The following ADGRV1 variants were observed in gnomAD, a reference collection of about 807,000 sequenced individuals.
ADGRV1 encodes the protein adhesion G protein-coupled receptor V1.
ADGRV1 carries 359 observed loss-of-function variants against 596.2 expected under a neutral mutation model. The observed-to-expected ratio is 0.60, with a 90% CI of 0.55 to 0.66. The LOEUF is 0.66. Ranked by LOEUF, ADGRV1 falls within the 30% of genes least tolerant of loss-of-function variation. ADGRV1 has a pLI of 0.00. For missense variants in ADGRV1, 7,274 were observed against 7,575.6 expected, an observed-to-expected ratio of 0.96 and a Z score of 1.48; for synonymous variants, 2,681 against 2,679.2, an observed-to-expected ratio of 1.00 and a Z score of -0.02.
At position 91,039,537 on chromosome 5, in the gene ADGRV1, C is replaced by G. The variant is rs560185415; in HGVS notation, c.18153-32910C>G. On this transcript the variant is annotated intron_variant, in intron 85 of 89. Coordinates refer to ENST00000405460, the MANE Select transcript of ADGRV1 (RefSeq NM_032119.4). Reference sequence around the variant, plus strand: ...AGGCTAACTGGAATCATATTTGGTTCTGGTTCTAATCTGTTCTCCACAAGA... The same window carrying G: ...AGGCTAACTGGAATCATATTTGGTTGTGGTTCTAATCTGTTCTCCACAAGA... 5.3e-5 allele frequency among the ~76,000 whole-genome samples: 8 copies of G among 152,294 alleles called. No individual in the cohort carries two copies. The South Asian group carries it at 1.7e-3, about 32-fold the overall frequency.
chr5:91,162,253 CAG>C (rs1344091748), intron 89 of ADGRV1, among the ~76,000 whole-genome samples: 2 of 152,026 alleles, frequency 1.3e-5, no homozygotes, highest in Admixed American at 1.3e-4. Flanking sequence ...AGCTAGGAGA[CAG>C]AAAGATAGGA....
chr5:90,751,865 A>G (rs1755295170), intron 53 of ADGRV1, among the ~76,000 whole-genome samples: 1 of 152,238 alleles, frequency 6.6e-6, no homozygotes, highest in Admixed American at 6.5e-5. Flanking sequence ...GTAAGCTACC[A>G]GAACTGTAAG....
intron 87 of ADGRV1, among the ~76,000 whole-genome samples, chr5:91,126,999 G>A (rs1275467598): frequency 6.6e-6 from 1 of 152,164 alleles, no homozygotes; most frequent in Non-Finnish European, 1.5e-5. Flanking sequence ...ACAGTTCCTT[G>A]TTTCCAGAAT....
rs780988995 is a variant in ADGRV1, at chr5:90,642,975, A to G, written c.2487A>G (p.Leu829=). ...AATTCTATGGAAACACGGGAGTACT[A>G]GAATTTAAACCTGGAGAAAGGGAGA... ...SNEFYGNTGV[L]EFKPGEREIV... Residue 829 remains leucine (L), a synonymous_variant, in exon 13 of 90, where the codon CTA becomes CTG. Transcript: ENST00000405460. 1 of 1,613,590 alleles carries G rather than the reference A, an allele frequency of 6.2e-7. No individual in the cohort carries two copies. Among genetic ancestry groups the G allele is most frequent in the African/African-American group, 1.3e-5 (1 of 74,934 alleles).
At chr5:90,834,513 G>A (rs1764793439) in intron 77 of ADGRV1, among the ~76,000 whole-genome samples, 1 of 152,022 alleles carries the variant, frequency 6.6e-6, no homozygotes, top group Admixed American at 6.5e-5. Context: ...CAGATGTATG[G>A]GAGCTCCACT....
In ADGRV1 at chr5:90,694,220, G is replaced by C. The variant is rs766683035; in HGVS notation, c.7464G>C (p.Arg2488Ser). 6.2e-7 allele frequency: 1 copy of C among 1,613,878 alleles called. No homozygotes were observed. Among genetic ancestry groups the C allele is most frequent in the East Asian group, 2.2e-5 (1 of 44,888 alleles). ...DFWTYRKNMT[R>S]VASLFSGQAV... ...GGACCTACAGGAAAAACATGACCAG[G>C]GTAGCATCTCTTTTTAGTGGTCAGG... is the stretch of plus-strand genomic sequence containing the variant. The change falls in exon 33 of 90, where the codon AGG becomes AGC. Residue 2488 changes from arginine (R) to serine (S), a missense_variant. Physicochemically the swap from Arg to Ser is moderately radical, Grantham distance 110. This residue lies in a region of ADGRV1 where 3,643 missense variants were observed against 3,809.2 expected (regional missense o/e 0.96). Transcript: ENST00000405460.
intron 54 of ADGRV1, 123 bp downstream of exon 54, chr5:90,753,952 C>G: frequency 2.2e-6 from 2 of 927,302 alleles, no homozygotes; most frequent in Non-Finnish European, 3.1e-6. Context: ...GCAGGTCATA[C>G]TCAATCCTTT....
chr5:90,760,350 G>A (rs992463952), intron 58 of ADGRV1, among the ~76,000 whole-genome samples: 3 of 151,936 alleles, frequency 2.0e-5, no homozygotes, highest in Admixed American at 6.6e-5. Context: ...GATCTTTTGA[G>A]TGGTCTATTG....
At chr5:91,020,389 A>G (rs577798676) in intron 85 of ADGRV1, among the ~76,000 whole-genome samples, 199 of 152,168 alleles carry the variant, frequency 1.3e-3, no homozygotes, top group Non-Finnish European at 2.5e-3. Flanking sequence ...CTTCCATTAC[A>G]TATGACTTTT....
chr5:90,720,907 C>T lies in ADGRV1; in HGVS notation c.9624-28C>T. 3.2e-6 allele frequency: 5 copies of T among 1,577,524 alleles called. No homozygotes were observed. The South Asian group carries it at 5.9e-5, about 19-fold the overall frequency. ...ATATGTAGAATGTATACTTTTTCTGCTTCCCTCAATCCATGTATTTCTTTC... is the reference window on the plus strand; with the variant it reads ...ATATGTAGAATGTATACTTTTTCTGTTTCCCTCAATCCATGTATTTCTTTC... On this transcript the variant is annotated intron_variant, in intron 44 of 89. Coordinates refer to ENST00000405460, the MANE Select transcript of ADGRV1 (RefSeq NM_032119.4).
In ADGRV1 at chr5:91,054,033, C is replaced by T. The variant is rs917417736; in HGVS notation, c.18153-18414C>T. On this transcript the variant is annotated intron_variant, in intron 85 of 89. Coordinates refer to ENST00000405460, the MANE Select transcript of ADGRV1 (RefSeq NM_032119.4). ...GCACAATAGCCCTGCTGCTTTCATA[C>T]TGAAAGTTGTGCTTCATTTCAACTA... Among the ~76,000 whole-genome samples the T allele has an allele frequency of 7.3e-5, 11 of 151,008 alleles. 1 individual carries two copies. The highest frequency in any genetic ancestry group is 1.3e-4 in the Non-Finnish European group (9 of 67,890).
intron 83 of ADGRV1, among the ~76,000 whole-genome samples, chr5:90,892,768 C>T (rs988249544): frequency 3.1e-4 from 47 of 151,916 alleles, no homozygotes; most frequent in African/African-American, 2.7e-4. Flanking sequence ...TTCATTATAC[C>T]GCAAAAGAGA....
intron 85 of ADGRV1, among the ~76,000 whole-genome samples, chr5:90,991,693 C>A (rs1780979720): frequency 6.6e-6 from 1 of 152,070 alleles, no homozygotes; most frequent in South Asian, 2.1e-4. Flanking sequence ...ACTAAATTAC[C>A]AGTTTTGCTA....
chr5:90,915,898 C>G (rs1197124007), intron 83 of ADGRV1, among the ~76,000 whole-genome samples: 1 of 152,116 alleles, frequency 6.6e-6, no homozygotes, highest in Non-Finnish European at 1.5e-5. Flanking sequence ...TTGGCCATAC[C>G]TAACATAATT....
At chr5:90,903,414 G>T (rs573030158) in intron 83 of ADGRV1, among the ~76,000 whole-genome samples, 22 of 151,716 alleles carry the variant, frequency 1.5e-4, no homozygotes, top group South Asian at 6.3e-4. Flanking sequence ...CTTTAAAATG[G>T]GACAATTATA....
chr5:90,622,763 G>A, intron 5 of ADGRV1, 62 bp downstream of exon 5: 1 of 836,650 alleles, frequency 1.2e-6, no homozygotes, highest in Non-Finnish European at 1.7e-6. Context: ...TTATTTTTGA[G>A]ACAGTCTTGC....
rs760232824 is a variant in ADGRV1, at chr5:90,653,621, T to A, written c.4047T>A (p.Asn1349Lys). The A allele has an allele frequency of 6.2e-7, 1 of 1,613,566 alleles. No homozygotes were observed. ...TVNPKYHPSR[N>K]NTIANFTFSA... ...ATCCAAAATACCATCCCTCCAGGAA[T>A]AATACAATTGCCAACTTTACATTCT... The change falls in exon 20 of 90, where the codon AAT becomes AAA. Residue 1349 changes from asparagine to lysine, a missense_variant. Asn to Lys is a moderately conservative substitution (Grantham distance 94). Around this residue, in one of 5 missense-constraint regions of ADGRV1, gnomAD observed 1,715 missense variants for 1,708.8 expected, o/e 1.00. Transcript: ENST00000405460.
At position 90,646,008 on chromosome 5, in the gene ADGRV1, A is replaced by G. The variant is rs1282395395; in HGVS notation, c.2939A>G (p.Asn980Ser). 1 of 1,605,116 alleles carries G rather than the reference A, an allele frequency of 6.2e-7. No individual in the cohort carries two copies. The highest frequency in any genetic ancestry group is 1.7e-5 in the Admixed American group (1 of 59,526). ...GAAGAATTTACCGTTATCCTACTGA[A>G]TGGCACTGGAGGAGCTAAAGTGGGA... ...EMEEFTVILLNGTGGAKVGNR... is the reference protein window; with the variant it reads ...EMEEFTVILLSGTGGAKVGNR... The change falls in exon 16 of 90, where the codon AAT becomes AGT. Residue 980 changes from asparagine (N) to serine (S), a missense_variant. Asn to Ser is a conservative substitution (Grantham distance 46). Coordinates refer to ENST00000405460, the MANE Select transcript of ADGRV1 (RefSeq NM_032119.4).
At chr5:90,581,476 C>G (rs953559954) in intron 1 of ADGRV1, among the ~76,000 whole-genome samples, 1 of 152,188 alleles carries the variant, frequency 6.6e-6, no homozygotes, top group Non-Finnish European at 1.5e-5. Flanking sequence ...AGATGCTATT[C>G]CTTTCTGTTT....
Sources: allele counts gnomAD v4.1 joint callset (sites outside exome capture counted in the v4.1 genomes callset), GRCh38; gene constraint gnomAD v4.1.1; regional missense constraint gnomAD v4.1.1; transcripts MANE v1.5; gene names NCBI Gene and HGNC (gene_info 2026-07-23, HGNC 2026-07-21).